The following ZRANB3 variants were observed in gnomAD, a reference collection of about 807,000 sequenced individuals.
ZRANB3 encodes DNA annealing helicase and endonuclease ZRANB3.
In ZRANB3, 125 loss-of-function variants were observed where a neutral mutation model predicts 133.8. The observed-to-expected ratio is 0.93, with a 90% CI of 0.81 to 1.08. The LOEUF is 1.08. Among genes scored for constraint, ZRANB3 ranks in the 50% least tolerant of loss-of-function variants. ZRANB3 has a pLI of 0.00. For missense variants in ZRANB3, 1,229 were observed against 1,275.5 expected (o/e 0.96, Z 0.56); for synonymous variants, 387 against 432.7 (o/e 0.89, Z 1.31).
chr2:135,339,081 G>A (rs1684507850), intron 6 of ZRANB3, among the ~76,000 whole-genome samples: 1 of 151,942 alleles, frequency 6.6e-6, no homozygotes, highest in African/African-American at 2.4e-5. Context: ...TCCAGACAAG[G>A]CTGGGCAACA....
intron 17 of ZRANB3, among the ~76,000 whole-genome samples, chr2:135,216,138 T>A (rs1255644723): frequency 6.6e-6 from 1 of 152,148 alleles, no homozygotes; most frequent in Non-Finnish European, 1.5e-5. Context: ...ATCACAAGTA[T>A]TATTCCTTGT....
chr2:135,239,323 G>T (rs1695444424), intron 12 of ZRANB3, among the ~76,000 whole-genome samples: 1 of 151,710 alleles, frequency 6.6e-6, no homozygotes, highest in Admixed American at 6.6e-5. Context: ...AAATACTGGT[G>T]GTGGGTGCAC....
Position 135,350,164 on chromosome 2 carries a change from T to G in ZRANB3, c.411A>C (p.Ala137=). The part of the protein sequence containing the change: ...VTVLGYGLLT[A]DAKTLIDALN... ...GTGCATCTATCAAAGTCTTTGCATC[T>G]GCGGTTAAGAGACCATAACCCAGAA... The change falls in exon 5 of 21, where the codon GCA becomes GCC. Residue 137 remains alanine, a synonymous_variant. Transcript: ENST00000264159. 6.2e-7 allele frequency: 1 copy of G among 1,610,892 alleles called. No individual in the cohort carries two copies.
chr2:135,231,014 T>A, intron 12 of ZRANB3, 87 bp from the exon 13 acceptor site: 1 of 1,276,890 alleles, frequency 7.8e-7, no homozygotes, highest in Non-Finnish European at 1.0e-6. Flanking sequence ...ATATTTTAAT[T>A]AACCATATTG....
intron 1 of ZRANB3, among the ~76,000 whole-genome samples, chr2:135,505,035 T>G (rs991007182): frequency 1.3e-5 from 2 of 151,976 alleles, no homozygotes; most frequent in Non-Finnish European, 2.9e-5. Flanking sequence ...ATATTAAAAT[T>G]AATTCTTTTT....
At chr2:135,262,762 TAGGCAG>T (rs1680026868) in intron 12 of ZRANB3, among the ~76,000 whole-genome samples, 18 of 150,796 alleles carry the variant, frequency 1.2e-4, no homozygotes, top group Admixed American at 1.2e-3. Context: ...ACCTGGGTGA[TAGGCAG>T]AGAGCCTGTC....
At chr2:135,236,601 A>G (rs1030783147) in intron 12 of ZRANB3, among the ~76,000 whole-genome samples, 4 of 152,180 alleles carry the variant, frequency 2.6e-5, no homozygotes, top group African/African-American at 9.7e-5. Flanking sequence ...ATATAGACCA[A>G]TGGGACAGAA....
intron 2 of ZRANB3, among the ~76,000 whole-genome samples, chr2:135,415,007 G>C (rs1040544493): frequency 1.3e-5 from 2 of 151,596 alleles, no homozygotes; most frequent in African/African-American, 4.8e-5. Flanking sequence ...AAGCAGGAAA[G>C]ACCCAAAATT....
At chr2:135,444,428 C>T (rs557192537) in intron 2 of ZRANB3, among the ~76,000 whole-genome samples, 128 of 152,072 alleles carry the variant, frequency 8.4e-4, no homozygotes, top group Non-Finnish European at 2.4e-4. Flanking sequence ...ACAAAATACT[C>T]GGCAATAAGA....
chr2:135,255,378 C>A (rs778255805), intron 12 of ZRANB3, among the ~76,000 whole-genome samples: 7 of 152,142 alleles, frequency 4.6e-5, no homozygotes, highest in Non-Finnish European at 8.8e-5. Flanking sequence ...TTTACCCCTA[C>A]AAAGAAAATA....
intron 3 of ZRANB3, among the ~76,000 whole-genome samples, chr2:135,354,197 T>A (rs1008419391): frequency 6.6e-6 from 1 of 152,208 alleles, no homozygotes; most frequent in African/African-American, 2.4e-5. Context: ...ATAATTAGTT[T>A]TATAAAATGT....
intron 2 of ZRANB3, among the ~76,000 whole-genome samples, chr2:135,420,245 T>C (rs1249121926): frequency 2.0e-5 from 3 of 151,188 alleles, no homozygotes; most frequent in Admixed American, 6.6e-5. Context: ...TCCACTTTTG[T>C]ATCTCTTTAA....
intron 14 of ZRANB3, among the ~76,000 whole-genome samples, chr2:135,227,205 C>T (rs535292356): frequency 6.6e-5 from 10 of 152,136 alleles, no homozygotes; most frequent in Non-Finnish European, 2.9e-5. Flanking sequence ...AGCCCATAAA[C>T]GATAGTGAAA....
chr2:135,526,027 G>GTGGTGCAAA (rs1356154756), intron 1 of ZRANB3, among the ~76,000 whole-genome samples: 2 of 152,228 alleles, frequency 1.3e-5, no homozygotes, highest in East Asian at 3.9e-4. Context: ...AATGGTGGCT[G>GTGGTGCAAA]TGGTGCAAAG....
At chr2:135,361,413 A>T (rs1050357905) in intron 3 of ZRANB3, among the ~76,000 whole-genome samples, 1 of 152,248 alleles carries the variant, frequency 6.6e-6, no homozygotes, top group African/African-American at 2.4e-5. Flanking sequence ...TTAGGAGAAT[A>T]ATTTTAGGTT....
At chr2:135,219,240 A>C in intron 15 of ZRANB3, 62 bp from the exon 16 acceptor site, 7 of 1,045,158 alleles carry the variant, frequency 6.7e-6, no homozygotes, top group Non-Finnish European at 9.5e-6. Context: ...TAACTATTTT[A>C]AATGAAAATA....
chr2:135,387,039 G>GA (rs1687016679), intron 3 of ZRANB3, among the ~76,000 whole-genome samples: 1 of 150,880 alleles, frequency 6.6e-6, no homozygotes, highest in Non-Finnish European at 1.5e-5. Flanking sequence ...AAAAGATACC[G>GA]AAAGAAGGGG....
chr2:135,204,758 A>T (rs898602582), intron 19 of ZRANB3, among the ~76,000 whole-genome samples: 2 of 139,146 alleles, frequency 1.4e-5, no homozygotes, highest in African/African-American at 5.7e-5. Flanking sequence ...TTATATATTT[A>T]TATATATATT....
At chr2:135,285,091 C>G (rs552724177) in intron 8 of ZRANB3, among the ~76,000 whole-genome samples, 1 of 152,004 alleles carries the variant, frequency 6.6e-6, no homozygotes, top group African/African-American at 2.4e-5. Context: ...GTGATCCACC[C>G]GCCTTGGCCT....
Sources: gnomAD v4.1 joint callset for allele counts (sites outside exome capture counted in the v4.1 genomes callset) on GRCh38, gnomAD v4.1.1 for gene constraint, MANE v1.5 for transcripts, NCBI Gene and HGNC (gene_info 2026-07-23, HGNC 2026-07-21) for gene names.